Variants in FAM240A observed in about 807,000 individuals in gnomAD.
FAM240A encodes the protein protein FAM240A.
In FAM240A, 8 loss-of-function variants were observed where a neutral mutation model predicts 7.3. That is an observed-to-expected ratio of 1.09 (90% CI 0.64 to 1.97). FAM240A has a LOEUF of 1.97. Among genes scored for constraint, FAM240A ranks in the 30% most tolerant of loss-of-function variants. The probability of loss-of-function intolerance (pLI) is 0.00; values close to 1 mark genes in which losing one functional copy is unlikely to be tolerated. For synonymous variants in FAM240A, 32 were observed against 35.9 expected (o/e 0.89, Z 0.38); for missense variants, 90 against 102.2 (o/e 0.88, Z 0.52).
intron 2 of FAM240A, among the ~76,000 whole-genome samples, chr3:46,618,483 A>C (rs913290088): frequency 6.6e-6 from 1 of 152,236 alleles, no homozygotes; most frequent in Non-Finnish European, 1.5e-5. Context: ...CAAGAGAGGC[A>C]CAAGCCAAGG....
At chr3:46,616,066 G>C (rs2107140274) in intron 1 of FAM240A, among the ~76,000 whole-genome samples, 1 of 152,326 alleles carries the variant, frequency 6.6e-6, no homozygotes, top group Middle Eastern at 3.4e-3. Flanking sequence ...CAAAATTCCT[G>C]GTGCATGTTC....
chr3:46,615,828 A>T (rs1315245623), intron 1 of FAM240A, among the ~76,000 whole-genome samples: 1 of 151,812 alleles, frequency 6.6e-6, no homozygotes, highest in Non-Finnish European at 1.5e-5. Flanking sequence ...AATTCCACAC[A>T]CAAGAGCCCA....
At chr3:46,615,092 C>G (rs978249925) in intron 1 of FAM240A, among the ~76,000 whole-genome samples, 2 of 152,156 alleles carry the variant, frequency 1.3e-5, no homozygotes, top group Admixed American at 1.3e-4. Flanking sequence ...ATGTGACAAA[C>G]AGACGGCGCA....
At position 46,618,711 on chromosome 3, in the gene FAM240A, A is replaced by G. The variant is rs182395346; in HGVS notation, c.161+1383A>G. Reference sequence around the variant, plus strand: ...CAAAATTAGCTAGGCGTGGTGGTGCATGCCTGTAATCCCAGCTACTCGGGA... The same window carrying G: ...CAAAATTAGCTAGGCGTGGTGGTGCGTGCCTGTAATCCCAGCTACTCGGGA... On this transcript the variant is annotated intron_variant, in intron 2 of 2. Coordinates refer to ENST00000640551, the MANE Select transcript of FAM240A (RefSeq NM_001195442.2). Among the ~76,000 whole-genome samples the G allele has an allele frequency of 5.0e-3, 761 of 151,874 alleles. 4 individuals carry two copies. Among genetic ancestry groups the G allele is most frequent in the African/African-American group, 0.017 (694 of 41,438 alleles).
chr3:46,622,528 T>C (rs1198144733), intron 2 of FAM240A, among the ~76,000 whole-genome samples: 2 of 152,208 alleles, frequency 1.3e-5, no homozygotes, highest in Non-Finnish European at 2.9e-5. Context: ...GTTTTACATT[T>C]AGATTAATAA....
intron 1 of FAM240A, among the ~76,000 whole-genome samples, chr3:46,614,228 T>A (rs929982646): frequency 6.6e-6 from 1 of 152,132 alleles, no homozygotes; most frequent in Non-Finnish European, 1.5e-5. Flanking sequence ...CCGGCCTAAA[T>A]ATATTTAATC....
Position 46,612,623 on chromosome 3 carries a change from C to G in FAM240A, c.-61C>G. 1 of 1,444,980 alleles carries G rather than the reference C, an allele frequency of 6.9e-7. No homozygotes were observed. Among genetic ancestry groups the G allele is most frequent in the South Asian group, 1.2e-5 (1 of 82,426 alleles). 89.5% of individuals were successfully genotyped at this position (1,444,980 alleles called of 1,614,324 possible). The stretch of plus-strand genomic sequence containing the variant: ...TTGGCTCCTGGGGCAGCACAGATGC[C>G]TCACAGGCGGTCAAGTGCGACACAT... On this transcript the variant is annotated 5_prime_UTR_variant, in exon 1 of 3. Coordinates refer to ENST00000640551, the MANE Select transcript of FAM240A (RefSeq NM_001195442.2).
In FAM240A at chr3:46,618,066, G is replaced by A. The variant is rs151108776; in HGVS notation, c.161+738G>A. 2.9e-4 allele frequency among the ~76,000 whole-genome samples: 44 copies of A among 152,332 alleles called. No homozygotes were observed. The East Asian group carries it at 3.3e-3, about 11-fold the overall frequency. On this transcript the variant is annotated intron_variant, in intron 2 of 2. Transcript: ENST00000640551. ...GGAACAGCTCAGCCAGCTGTCTGACGAGGCCATGGCTTATGTGTGGTAAGG... is the reference window on the plus strand; with the variant it reads ...GGAACAGCTCAGCCAGCTGTCTGACAAGGCCATGGCTTATGTGTGGTAAGG...
chr3:46,616,724 CACACAT>C (rs745496470), intron 1 of FAM240A, among the ~76,000 whole-genome samples: 76 of 149,810 alleles, frequency 5.1e-4, no homozygotes, highest in African/African-American at 1.7e-3. Context: ...CACACACACA[CACACAT>C]AAAACATTTT....
rs766427639 is a variant in FAM240A at position 46,617,204 on chromosome 3, C to T, written c.37C>T (p.Arg13Cys). 5.9e-5 allele frequency: 91 copies of T among 1,532,420 alleles called. No individual in the cohort carries two copies. Among genetic ancestry groups the T allele is most frequent in the East Asian group, 7.4e-5 (3 of 40,748 alleles). 94.9% of individuals were successfully genotyped at this position (1,532,420 alleles called of 1,614,324 possible). A position where few individuals can be genotyped will look rare whatever the true frequency, so the allele number is the denominator to read the frequency against. Residue 13 changes from arginine to cysteine, a missense_variant, in exon 2 of 3, where the codon CGT becomes TGT. By Grantham distance (180) the Arg-to-Cys change is radical. Coordinates refer to ENST00000640551, the MANE Select transcript of FAM240A (RefSeq NM_001195442.2). ...TTAGGGGATGAACAATCAATACACCCGTCGGGAGGTCTTCTGCCGGAACAC... is the reference window on the plus strand; with the variant it reads ...TTAGGGGATGAACAATCAATACACCTGTCGGGAGGTCTTCTGCCGGAACAC... ...LFSGMNNQYT[R>C]REVFCRNTCH...
chr3:46,619,866 A>G (rs1018893830), intron 2 of FAM240A, among the ~76,000 whole-genome samples: 1 of 152,188 alleles, frequency 6.6e-6, no homozygotes, highest in Admixed American at 6.5e-5. Flanking sequence ...AGCTTGCCCT[A>G]TTTGTGGAAT....
intron 2 of FAM240A, among the ~76,000 whole-genome samples, chr3:46,618,630 C>T (rs938198245): frequency 1.3e-5 from 2 of 151,952 alleles, no homozygotes; most frequent in African/African-American, 2.4e-5. Flanking sequence ...CACCTGAGGT[C>T]GAGAGTTTGA....
chr3:46,617,782 C>T (rs1006239228), intron 2 of FAM240A, among the ~76,000 whole-genome samples: 10 of 152,124 alleles, frequency 6.6e-5, no homozygotes, highest in Non-Finnish European at 1.2e-4. Context: ...AAGCAGTGCC[C>T]AGTTCTCAGC....
intron 2 of FAM240A, among the ~76,000 whole-genome samples, chr3:46,622,310 G>A (rs1697707126): frequency 6.6e-6 from 1 of 151,704 alleles, no homozygotes; most frequent in African/African-American, 2.4e-5. Flanking sequence ...GTTTCACCGT[G>A]TTAGCCAGGA....
intron 1 of FAM240A, among the ~76,000 whole-genome samples, chr3:46,616,453 T>C (rs1365682589): frequency 1.3e-5 from 2 of 152,224 alleles, no homozygotes; most frequent in African/African-American, 4.8e-5. Flanking sequence ...ATAGTGTACA[T>C]GGCACCCAAT....
chr3:46,625,325 C>G lies in FAM240A; in HGVS notation c.*107C>G, dbSNP rs907654435. 6.9e-6 allele frequency: 5 copies of G among 721,500 alleles called. No homozygotes were observed. Among genetic ancestry groups the G allele is most frequent in the Non-Finnish European group, 6.7e-6 (3 of 449,018 alleles). 44.7% of individuals were successfully genotyped at this position (721,500 alleles called of 1,614,324 possible). A position where few individuals can be genotyped will look rare whatever the true frequency, so the allele number is the denominator to read the frequency against. On this transcript the variant is annotated 3_prime_UTR_variant, in exon 3 of 3. Transcript: ENST00000640551. The stretch of plus-strand genomic sequence containing the variant: ...TTTGCTATACCAATCAGCTCTCACA[C>G]TATTGTTTCCCCACCTGGGAGAGGA...
At chr3:46,619,128 C>G (rs1055471914) in intron 2 of FAM240A, among the ~76,000 whole-genome samples, 2 of 152,076 alleles carry the variant, frequency 1.3e-5, no homozygotes, top group Admixed American at 6.6e-5. Flanking sequence ...CTCTTCTGCA[C>G]TCCCATTTAA....
chr3:46,622,525 A>T (rs1697710113), intron 2 of FAM240A, among the ~76,000 whole-genome samples: 1 of 152,202 alleles, frequency 6.6e-6, no homozygotes, highest in Admixed American at 6.5e-5. Flanking sequence ...TAAGTTTTAC[A>T]TTTAGATTAA....
At chr3:46,614,075 C>T (rs376034966) in intron 1 of FAM240A, among the ~76,000 whole-genome samples, 21 of 152,024 alleles carry the variant, frequency 1.4e-4, no homozygotes, top group African/African-American at 4.6e-4. Flanking sequence ...CGTAGCACTA[C>T]GCCCAGCTAA....
Sources: allele counts gnomAD v4.1 joint callset (sites outside exome capture counted in the v4.1 genomes callset), GRCh38; gene constraint gnomAD v4.1.1; transcripts MANE v1.5; gene names NCBI Gene and HGNC (gene_info 2026-07-23, HGNC 2026-07-21).